Variants in LRMDA observed in about 807,000 individuals in gnomAD.
LRMDA encodes the protein leucine rich melanocyte differentiation associated, also known as leucine-rich melanocyte differentiation-associated protein.
LRMDA carries 18 observed loss-of-function variants against 29.8 expected under a neutral mutation model. The observed-to-expected ratio is 0.60, with a 90% CI of 0.42 to 0.90. The LOEUF (loss-of-function observed/expected upper bound fraction) is 0.90, where lower values mean the gene tolerates loss of function less well. Ranked by LOEUF, LRMDA falls within the 40% of genes least tolerant of loss-of-function variation. The pLI is 0.00. For synonymous variants in LRMDA, 125 were observed against 109.4 expected (o/e 1.14, Z -0.89); for missense variants, 273 against 273.9 (o/e 1.00, Z 0.02).
chr10:75,731,630 C>A (rs1842698297), intron 2 of LRMDA, among the ~76,000 whole-genome samples: 2 of 152,222 alleles, frequency 1.3e-5, no homozygotes, highest in Non-Finnish European at 2.9e-5. Context: ...TCTGGACTCA[C>A]CATTAAGTCC....
At chr10:75,849,870 T>C (rs912668844) in intron 2 of LRMDA, among the ~76,000 whole-genome samples, 1 of 152,210 alleles carries the variant, frequency 6.6e-6, no homozygotes, top group Non-Finnish European at 1.5e-5. Context: ...TCAGTATTAG[T>C]TATAGTATTA....
intron 5 of LRMDA, among the ~76,000 whole-genome samples, chr10:76,184,811 A>G (rs1314407893): frequency 6.6e-6 from 1 of 152,212 alleles, no homozygotes; most frequent in African/African-American, 2.4e-5. Context: ...GAAAGACTTC[A>G]TGATGGATGG....
intron 6 of LRMDA, among the ~76,000 whole-genome samples, chr10:76,383,603 T>G (rs1398784977): frequency 6.7e-6 from 1 of 148,992 alleles, no homozygotes; most frequent in East Asian, 2.0e-4. Context: ...GCTAATTTTT[T>G]GTATTTTTAG....
At position 75,540,984 on chromosome 10, in the gene LRMDA, T is replaced by TC. The variant is rs1840008596; in HGVS notation, c.131+102490_131+102491insC. On this transcript the variant is annotated intron_variant, in intron 2 of 6. Coordinates refer to ENST00000611255, the MANE Select transcript of LRMDA (RefSeq NM_001305581.2). The stretch of plus-strand genomic sequence containing the variant: ...GGAAACAAGTTTTGTTGTTTTTTTT[T>TC]TAAAAAGGAAAAAAACAGTTTTGGA... Among the ~76,000 whole-genome samples, 3 of 152,136 alleles carry TC rather than the reference T, an allele frequency of 2.0e-5. No homozygotes were observed. In the South Asian group the frequency reaches 6.2e-4, roughly 32 times the overall value.
At chr10:75,690,847 C>T (rs897037623) in intron 2 of LRMDA, among the ~76,000 whole-genome samples, 2 of 150,816 alleles carry the variant, frequency 1.3e-5, no homozygotes, top group Non-Finnish European at 3.0e-5. Context: ...GCGGTGTGCA[C>T]CTACAGTCCT....
intron 2 of LRMDA, among the ~76,000 whole-genome samples, chr10:75,580,567 C>T (rs1219462468): frequency 2.0e-5 from 3 of 152,182 alleles, no homozygotes. Flanking sequence ...GAAAAAACTA[C>T]TTTAAAATTC....
At chr10:75,852,202 A>G (rs1844743491) in intron 2 of LRMDA, among the ~76,000 whole-genome samples, 1 of 152,222 alleles carries the variant, frequency 6.6e-6, no homozygotes, top group African/African-American at 2.4e-5. Flanking sequence ...TAAGAAGCCA[A>G]GCTTCACTAG....
intron 6 of LRMDA, among the ~76,000 whole-genome samples, chr10:76,408,315 G>A (rs970118845): frequency 6.6e-6 from 1 of 152,138 alleles, no homozygotes; most frequent in South Asian, 2.1e-4. Context: ...TAGACAGAGG[G>A]CCTTGAATGG....
intron 5 of LRMDA, among the ~76,000 whole-genome samples, chr10:76,279,243 C>T (rs1283364151): frequency 2.6e-5 from 4 of 152,156 alleles, no homozygotes; most frequent in African/African-American, 9.7e-5. Flanking sequence ...GTTACTTAAC[C>T]TTTCTAGGTC....
chr10:75,533,273 TTG>T (rs1845499115), intron 2 of LRMDA, among the ~76,000 whole-genome samples: 1 of 152,228 alleles, frequency 6.6e-6, no homozygotes, highest in Non-Finnish European at 1.5e-5. Context: ...ATACCACTCT[TTG>T]TTTACCCTTA....
rs1280235547 is a variant in LRMDA, at chr10:76,484,169, T to TCCTCTCATTCTCCTTCTTCTC, written c.602-73039_602-73019dup. ...TTTCTTGTCCCATCCTCCTTCTTCT[T>TCCTCTCATTCTCCTTCTTCTC]CCTCTCATTCTCCTTCTTCTCTTTC... On this transcript the variant is annotated intron_variant, in intron 6 of 6. Transcript: ENST00000611255. Among the ~76,000 whole-genome samples the TCCTCTCATTCTCCTTCTTCTC allele has an allele frequency of 9.2e-5, 14 of 151,772 alleles. No individual in the cohort carries two copies. In the East Asian group the frequency reaches 2.3e-3, roughly 25 times the overall value.
chr10:76,387,714 AG>A (rs1403030694), intron 6 of LRMDA, among the ~76,000 whole-genome samples: 2 of 152,236 alleles, frequency 1.3e-5, no homozygotes, highest in Non-Finnish European at 2.9e-5. Flanking sequence ...TTATTAAGAA[AG>A]TAAAGGAATA....
At chr10:76,447,050 TTTC>T (rs1046447621) in intron 6 of LRMDA, among the ~76,000 whole-genome samples, 57 of 133,186 alleles carry the variant, frequency 4.3e-4, no homozygotes, top group African/African-American at 1.2e-3. Flanking sequence ...ACTTGATTTC[TTTC>T]TTTTTTTTTT....
intron 5 of LRMDA, among the ~76,000 whole-genome samples, chr10:76,286,867 C>T (rs1347313612): frequency 6.6e-6 from 1 of 152,124 alleles, no homozygotes; most frequent in Non-Finnish European, 1.5e-5. Context: ...TTTGCCAGCC[C>T]ATAATGTCAT....
Position 75,934,686 on chromosome 10 carries a change from C to T in LRMDA, c.132-101322C>T, listed in dbSNP as rs542850384. The stretch of plus-strand genomic sequence containing the variant: ...TACCACTCGGCCAGCAGGATGGGCA[C>T]TCTCGGTCAGTGCCTGCAAATGGTG... On this transcript the variant is annotated intron_variant, in intron 2 of 6. Coordinates refer to ENST00000611255, the MANE Select transcript of LRMDA (RefSeq NM_001305581.2). Among the ~76,000 whole-genome samples, 4 of 152,206 alleles carry T rather than the reference C, an allele frequency of 2.6e-5. No homozygotes were observed. The South Asian group carries it at 6.2e-4, about 24-fold the overall frequency.
At chr10:76,286,290 G>A (rs549418411) in intron 5 of LRMDA, among the ~76,000 whole-genome samples, 1 of 152,300 alleles carries the variant, frequency 6.6e-6, no homozygotes, top group African/African-American at 2.4e-5. Flanking sequence ...TTAAAGGGCT[G>A]TAAGGAGTGG....
At chr10:76,281,883 T>C (rs558608987) in intron 5 of LRMDA, among the ~76,000 whole-genome samples, 21 of 152,294 alleles carry the variant, frequency 1.4e-4, no homozygotes, top group African/African-American at 4.8e-4. Flanking sequence ...TGCATGATAA[T>C]GAACCCATCA....
At chr10:75,569,015 C>T (rs1259913453) in intron 2 of LRMDA, among the ~76,000 whole-genome samples, 4 of 152,114 alleles carry the variant, frequency 2.6e-5, no homozygotes, top group Non-Finnish European at 5.9e-5. Context: ...GGGTGCTGGG[C>T]TCCTCTTTGT....
intron 2 of LRMDA, among the ~76,000 whole-genome samples, chr10:75,635,375 G>GTT (rs1841378471): frequency 6.6e-6 from 1 of 152,100 alleles, no homozygotes; most frequent in South Asian, 2.1e-4. Flanking sequence ...TGATGGCCTT[G>GTT]TTTTCTCCCT....
Sources: gnomAD v4.1 joint callset for allele counts (sites outside exome capture counted in the v4.1 genomes callset) on GRCh38, gnomAD v4.1.1 for gene constraint, MANE v1.5 for transcripts, NCBI Gene and HGNC (gene_info 2026-07-23, HGNC 2026-07-21) for gene names.